Variants in UNC13C observed in about 807,000 individuals in gnomAD.
UNC13C encodes protein unc-13 homolog C.
UNC13C carries 174 observed loss-of-function variants against 245.4 expected under a neutral mutation model. The ratio of observed to expected loss-of-function variants is 0.71; its 90% CI spans 0.63 to 0.80. The LOEUF is 0.80. Ranked by LOEUF, UNC13C falls within the 30% of genes least tolerant of loss-of-function variation. The probability of loss-of-function intolerance (pLI) is 0.00; values close to 1 mark genes in which losing one functional copy is unlikely to be tolerated. For synonymous variants in UNC13C, 992 were observed against 895.1 expected (o/e 1.11, Z -1.93); for missense variants, 2,829 against 2,602.9 (o/e 1.09, Z -1.89).
intron 19 of UNC13C, among the ~76,000 whole-genome samples, chr15:54,417,247 C>G (rs1049509614): frequency 3.3e-5 from 5 of 152,026 alleles, no homozygotes; most frequent in African/African-American, 1.2e-4. Flanking sequence ...GCCAACTTTA[C>G]CAGGTAATCC....
chr15:54,199,993 T>C (rs2034472518), intron 4 of UNC13C, among the ~76,000 whole-genome samples: 1 of 152,098 alleles, frequency 6.6e-6, no homozygotes, highest in Non-Finnish European at 1.5e-5. Flanking sequence ...GAAAAAGATA[T>C]TCCATGCAAA....
chr15:54,511,290 C>T (rs1293487811), intron 23 of UNC13C, among the ~76,000 whole-genome samples: 1 of 152,042 alleles, frequency 6.6e-6, no homozygotes, highest in Admixed American at 6.6e-5. Context: ...CTTCGAATAC[C>T]AGCATGTGGT....
At chr15:53,945,625 C>A in the UNC13C span, among the ~76,000 whole-genome samples, 1 of 152,072 alleles carries the variant, frequency 6.6e-6, no homozygotes, top group Non-Finnish European at 1.5e-5. Context: ...GTACCAATAC[C>A]ATGCTGTTTT....
chr15:54,412,120 C>T (rs368927289), intron 18 of UNC13C, among the ~76,000 whole-genome samples: 7 of 151,886 alleles, frequency 4.6e-5, no homozygotes, highest in Admixed American at 2.0e-4. Flanking sequence ...GCAAGAGAAT[C>T]GCTTGAACCC....
At chr15:54,480,163 G>T (rs1893023683) in intron 19 of UNC13C, among the ~76,000 whole-genome samples, 1 of 152,004 alleles carries the variant, frequency 6.6e-6, no homozygotes, top group African/African-American at 2.4e-5. Context: ...CTTTTGGATT[G>T]AATCTGTTGG....
At chr15:54,250,112 G>C in intron 7 of UNC13C, 113 bp from the exon 8 acceptor site, 1 of 926,744 alleles carries the variant, frequency 1.1e-6, no homozygotes, top group Non-Finnish European at 1.7e-6. Context: ...TGATCCAGGG[G>C]CTCTCTCAAA....
intron 7 of UNC13C, among the ~76,000 whole-genome samples, chr15:54,241,663 GAA>G (rs2035854447): frequency 6.6e-6 from 1 of 152,204 alleles, no homozygotes; most frequent in African/African-American, 2.4e-5. Context: ...AGAATTAAAA[GAA>G]ATAGCTTATG....
At chr15:54,144,333 T>G (rs1324579754) in intron 4 of UNC13C, among the ~76,000 whole-genome samples, 1 of 942 alleles carries the variant, frequency 1.1e-3, no homozygotes, top group African/African-American at 1.2e-3. Flanking sequence ...GCATCGTGGT[T>G]TTTTTTTTTG....
intron 30 of UNC13C, among the ~76,000 whole-genome samples, chr15:54,594,498 G>A (rs1468871593): frequency 6.6e-6 from 1 of 152,078 alleles, no homozygotes; most frequent in East Asian, 1.9e-4. Flanking sequence ...GGCAGGTCTT[G>A]CTGTGGCTGC....
At chr15:54,089,726 T>A (rs1414159331) in intron 2 of UNC13C, among the ~76,000 whole-genome samples, 1 of 151,970 alleles carries the variant, frequency 6.6e-6, no homozygotes, top group East Asian at 1.9e-4. Context: ...CACTTCACCT[T>A]TGGATTCAGA....
the UNC13C span, among the ~76,000 whole-genome samples, chr15:53,917,891 C>T: frequency 2.6e-5 from 4 of 151,988 alleles, no homozygotes; most frequent in Admixed American, 2.6e-4. Flanking sequence ...TTTTTAGTAA[C>T]TTAAAGCACA....
At chr15:54,431,475 G>C (rs1205789463) in intron 19 of UNC13C, among the ~76,000 whole-genome samples, 1 of 151,586 alleles carries the variant, frequency 6.6e-6, no homozygotes, top group Admixed American at 6.6e-5. Flanking sequence ...GTATATTAGA[G>C]TGTACAACTA....
At chr15:54,030,872 T>C (rs1409764499) in intron 2 of UNC13C, among the ~76,000 whole-genome samples, 1 of 148,510 alleles carries the variant, frequency 6.7e-6, no homozygotes, top group Non-Finnish European at 1.5e-5. Context: ...AAAATCCTAT[T>C]TGTGAGGGCA....
At chr15:53,939,293 A>T in the UNC13C span, among the ~76,000 whole-genome samples, 1 of 152,166 alleles carries the variant, frequency 6.6e-6, no homozygotes, top group Non-Finnish European at 1.5e-5. Flanking sequence ...ACCAAGAATA[A>T]ATTGAATTCC....
chr15:53,890,697 G>A, the UNC13C span, among the ~76,000 whole-genome samples: 2 of 152,106 alleles, frequency 1.3e-5, no homozygotes, highest in Non-Finnish European at 2.9e-5. Flanking sequence ...ATTTCTGTGG[G>A]ATCAGTGGTG....
At chr15:54,307,880 G>C (rs958246460) in intron 13 of UNC13C, among the ~76,000 whole-genome samples, 8 of 151,936 alleles carry the variant, frequency 5.3e-5, no homozygotes, top group Non-Finnish European at 1.2e-4. Context: ...TTAGTGACGA[G>C]AATGAATAAA....
chr15:54,601,563 G>A (rs1364134187), intron 30 of UNC13C, among the ~76,000 whole-genome samples: 1 of 152,168 alleles, frequency 6.6e-6, no homozygotes, highest in Admixed American at 6.5e-5. Flanking sequence ...ATCTTGCATA[G>A]GCTAATAAAA....
intron 2 of UNC13C, among the ~76,000 whole-genome samples, chr15:54,130,372 A>T (rs12901526): frequency 7.0e-6 from 1 of 142,400 alleles, no homozygotes; most frequent in African/African-American, 2.6e-5. Context: ...GGCTCACTGC[A>T]AGCTCCGCCT....
intron 17 of UNC13C, among the ~76,000 whole-genome samples, chr15:54,370,457 T>G (rs1453255765): frequency 6.6e-6 from 1 of 152,170 alleles, no homozygotes; most frequent in Non-Finnish European, 1.5e-5. Context: ...AACCAAGACT[T>G]GCAATCTTTA....
Sources: allele counts gnomAD v4.1 joint callset (sites outside exome capture counted in the v4.1 genomes callset), GRCh38; gene constraint gnomAD v4.1.1; transcripts MANE v1.5; gene names NCBI Gene and HGNC (gene_info 2026-07-23, HGNC 2026-07-21).